ARHGAP42: variants seen among roughly 807,000 people sequenced by gnomAD.
ARHGAP42 encodes the protein rho GTPase-activating protein 42.
Under a neutral mutation model 125.0 loss-of-function variants are expected in ARHGAP42, and 63 were observed. The ratio of observed to expected loss-of-function variants is 0.50; its 90% confidence interval spans 0.41 to 0.62. The LOEUF (loss-of-function observed/expected upper bound fraction) is 0.62, where lower values mean the gene tolerates loss of function less well. ARHGAP42 is among the 20% of genes least tolerant of loss of function. The probability of loss-of-function intolerance (pLI) is 0.00; values close to 1 mark genes in which losing one functional copy is unlikely to be tolerated. For synonymous variants in ARHGAP42, 339 were observed against 351.0 expected (o/e 0.97, Z 0.38); for missense variants, 766 against 1,024.2 (o/e 0.75, Z 3.44).
At chr11:100,789,127 A>T (rs1042980381) in intron 2 of ARHGAP42, among the ~76,000 whole-genome samples, 3 of 152,206 alleles carry the variant, frequency 2.0e-5, no homozygotes, top group African/African-American at 7.2e-5. Flanking sequence ...TCTGTATGAA[A>T]TGTCAGTTAA....
At chr11:100,818,073 G>A (rs992802870) in intron 3 of ARHGAP42, among the ~76,000 whole-genome samples, 3 of 152,170 alleles carry the variant, frequency 2.0e-5, no homozygotes, top group African/African-American at 7.2e-5. Context: ...GTAAAGCAAG[G>A]GAAAGGAATT....
At chr11:100,782,791 C>T (rs945963651) in intron 2 of ARHGAP42, among the ~76,000 whole-genome samples, 1 of 152,034 alleles carries the variant, frequency 6.6e-6, no homozygotes. Context: ...TTTTGGGACT[C>T]GGAAATAACA....
At chr11:100,902,821 A>G (rs1176824395) in intron 4 of ARHGAP42, among the ~76,000 whole-genome samples, 1 of 152,156 alleles carries the variant, frequency 6.6e-6, no homozygotes, top group Non-Finnish European at 1.5e-5. Context: ...GTCCTCTCCC[A>G]TGACTGCCAG....
Position 100,955,992 on chromosome 11 carries a change from A to G in ARHGAP42, c.1163-3891A>G, listed in dbSNP as rs150036492. Among the ~76,000 whole-genome samples the G allele has an allele frequency of 2.4e-3, 368 of 152,258 alleles. 8 individuals carry two copies. Among genetic ancestry groups the G allele is most frequent in the Admixed American group, 0.023 (345 of 15,278 alleles). ...CAATCCTTGTGACTACTTCATCCAC[A>G]GTCATTGGAAGACAAACTATTTTAG... On this transcript the variant is annotated intron_variant, in intron 12 of 23. Transcript: ENST00000298815.
intron 1 of ARHGAP42, among the ~76,000 whole-genome samples, chr11:100,707,613 G>A (rs1432350806): frequency 6.6e-6 from 1 of 152,158 alleles, no homozygotes. Context: ...AAGACAAGAA[G>A]ATGCAAAGAA....
intron 12 of ARHGAP42, among the ~76,000 whole-genome samples, chr11:100,955,913 A>G (rs114015000): frequency 0.018 from 2,692 of 152,130 alleles, 72 homozygotes; most frequent in African/African-American, 0.061. Context: ...GCTTTGGAAA[A>G]CTGGTCATTT....
intron 4 of ARHGAP42, among the ~76,000 whole-genome samples, chr11:100,905,246 C>T (rs1384996392): frequency 6.6e-6 from 1 of 152,140 alleles, no homozygotes; most frequent in East Asian, 1.9e-4. Flanking sequence ...AAAGTGGAGA[C>T]AAATGGGAAT....
intron 3 of ARHGAP42, among the ~76,000 whole-genome samples, chr11:100,842,863 A>G (rs1183214597): frequency 1.3e-5 from 2 of 152,136 alleles, no homozygotes; most frequent in Non-Finnish European, 2.9e-5. Context: ...CTGCATCAAA[A>G]TGTCTGAAAG....
intron 3 of ARHGAP42, among the ~76,000 whole-genome samples, chr11:100,827,128 C>T (rs183438349): frequency 6.1e-4 from 92 of 151,704 alleles, no homozygotes; most frequent in African/African-American, 1.9e-3. Context: ...CTCGGCCTCC[C>T]GAGTAGCTGG....
chr11:100,774,720 G>A (rs1475832919), intron 2 of ARHGAP42, among the ~76,000 whole-genome samples: 3 of 139,536 alleles, frequency 2.1e-5, no homozygotes, highest in Non-Finnish European at 4.7e-5. Context: ...GTAAGGAAGA[G>A]AAGGTGGTGT....
At chr11:100,847,765 A>G (rs1466580042) in intron 3 of ARHGAP42, among the ~76,000 whole-genome samples, 1 of 152,108 alleles carries the variant, frequency 6.6e-6, no homozygotes, top group African/African-American at 2.4e-5. Flanking sequence ...CTGAGAGGAG[A>G]TAAATCAGTG....
intron 1 of ARHGAP42, among the ~76,000 whole-genome samples, chr11:100,750,618 T>C (rs899521778): frequency 4.0e-5 from 6 of 150,974 alleles, no homozygotes; most frequent in African/African-American, 9.8e-5. Context: ...CTAATTACGA[T>C]TGGCTAATTT....
chr11:100,912,353 G>A (rs543753412), intron 4 of ARHGAP42, among the ~76,000 whole-genome samples: 1 of 152,184 alleles, frequency 6.6e-6, no homozygotes, highest in Non-Finnish European at 1.5e-5. Flanking sequence ...ATTTATGCAA[G>A]TAATGAAGCA....
At chr11:100,753,191 G>A (rs1351805788) in intron 1 of ARHGAP42, among the ~76,000 whole-genome samples, 5 of 152,124 alleles carry the variant, frequency 3.3e-5, no homozygotes, top group Admixed American at 1.3e-4. Context: ...TGGCCGCTGG[G>A]GTGATGTTCC....
At position 100,941,797 on chromosome 11, in the gene ARHGAP42, T is replaced by C. The variant is rs1867894678; in HGVS notation, c.846T>C (p.Phe282=). ...LYVQEKRPLG[F]TWIKHYCTYD... is the part of the protein sequence containing the mutation. The stretch of plus-strand genomic sequence containing the variant: ...TCCTTACATTAGGACCGCTTGGTTT[T>C]ACATGGATTAAACATTATTGTACAT... The change falls in exon 9 of 24, where the codon TTT becomes TTC. Residue 282 remains phenylalanine, a synonymous_variant. Coordinates refer to ENST00000298815, the MANE Select transcript of ARHGAP42 (RefSeq NM_152432.4). The C allele has an allele frequency of 6.6e-7, 1 of 1,519,726 alleles. No individual in the cohort carries two copies. Among genetic ancestry groups the C allele is most frequent in the African/African-American group, 1.4e-5 (1 of 70,990 alleles). The allele number at this position is 1,519,726 out of a possible 1,614,324, so 94.1% of individuals were successfully genotyped here.
intron 4 of ARHGAP42, among the ~76,000 whole-genome samples, 189 bp from the exon 5 acceptor site, chr11:100,913,263 G>C (rs948031619): frequency 6.6e-6 from 1 of 152,084 alleles, no homozygotes; most frequent in South Asian, 2.1e-4. Flanking sequence ...TTTTTTGAGA[G>C]CAGAGTACAT....
chr11:100,765,517 C>T (rs568855365), intron 1 of ARHGAP42, among the ~76,000 whole-genome samples: 18 of 152,090 alleles, frequency 1.2e-4, no homozygotes, highest in Admixed American at 3.9e-4. Flanking sequence ...CTAGTTCTTG[C>T]GGCTATTGTG....
intron 1 of ARHGAP42, among the ~76,000 whole-genome samples, chr11:100,750,548 AC>A (rs1862423252): frequency 6.7e-6 from 1 of 148,884 alleles, no homozygotes; most frequent in Non-Finnish European, 1.5e-5. Flanking sequence ...TTCCTGATGC[AC>A]GTGGCCCCTG....
At chr11:100,763,428 A>C (rs1862756337) in intron 1 of ARHGAP42, among the ~76,000 whole-genome samples, 1 of 152,202 alleles carries the variant, frequency 6.6e-6, no homozygotes, top group African/African-American at 2.4e-5. Context: ...CTAAAACCTA[A>C]GATGTTATTC....
Sources: gnomAD v4.1 joint callset for allele counts (sites outside exome capture counted in the v4.1 genomes callset) on GRCh38, gnomAD v4.1.1 for gene constraint, MANE v1.5 for transcripts, NCBI Gene and HGNC (gene_info 2026-07-23, HGNC 2026-07-21) for gene names.